NCEH1: variants seen among roughly 807,000 people sequenced by gnomAD.
NCEH1 encodes 2-acetyl MAGE hydrolase.
Under a neutral mutation model 25.4 loss-of-function variants are expected in NCEH1, and 9 were observed. The observed-to-expected ratio is 0.35, with a 90% CI of 0.21 to 0.62. The LOEUF (loss-of-function observed/expected upper bound fraction) is 0.62. Among genes scored for constraint, NCEH1 ranks in the 20% least tolerant of loss-of-function variants. The pLI, the probability that NCEH1 is intolerant of heterozygous loss-of-function variation, is 0.72. For missense variants in NCEH1, 412 were observed against 501.1 expected, an observed-to-expected ratio of 0.82 and a Z score of 1.70; for synonymous variants, 200 against 199.8, an observed-to-expected ratio of 1.00 and a Z score of -0.01.
chr3:172,682,803 A>G (rs1025563858), intron 1 of NCEH1, among the ~76,000 whole-genome samples: 1 of 152,198 alleles, frequency 6.6e-6, no homozygotes, highest in South Asian at 2.1e-4. Flanking sequence ...GGAGACACAG[A>G]ATGCAGCAAA....
rs1712854277 is a variant in NCEH1, at chr3:172,688,779, A to T, written c.138+22068T>A. Reference sequence around the variant, plus strand: ...TGTCCAGTACTGTGCTAAGGGTCACAGGCAATGCTACAAGGTGTTGGCCCT... The same window carrying T: ...TGTCCAGTACTGTGCTAAGGGTCACTGGCAATGCTACAAGGTGTTGGCCCT... On this transcript the variant is annotated intron_variant, in intron 1 of 4. Transcript: ENST00000475381. 3.9e-5 allele frequency among the ~76,000 whole-genome samples: 6 copies of T among 152,278 alleles called. No homozygotes were observed. In the South Asian group the frequency reaches 1.0e-3, roughly 26 times the overall value.
Position 172,693,573 on chromosome 3 carries a change from T to C in NCEH1, c.138+17274A>G, listed in dbSNP as rs540088569. Among the ~76,000 whole-genome samples the C allele has an allele frequency of 5.9e-5, 9 of 152,312 alleles. No individual in the cohort carries two copies. The East Asian group carries it at 1.7e-3, about 29-fold the overall frequency. On this transcript the variant is annotated intron_variant, in intron 1 of 4. Coordinates refer to ENST00000475381, the MANE Select transcript of NCEH1 (RefSeq NM_020792.6). ...TCTTTAAAGCACTTAAATTCTATTA[T>C]TTGCTCTCGAAATATGCTTTGAGAG...
At chr3:172,657,358 G>T (rs1717742992) in intron 1 of NCEH1, among the ~76,000 whole-genome samples, 1 of 152,058 alleles carries the variant, frequency 6.6e-6, no homozygotes, top group African/African-American at 2.4e-5. Context: ...CACCCCTAGA[G>T]CAATTAACGA....
In NCEH1 at chr3:172,633,883, T is replaced by C; in HGVS notation, c.819A>G (p.Ser273=). 6.2e-7 allele frequency: 1 copy of C among 1,614,134 alleles called. No individual in the cohort carries two copies. Among genetic ancestry groups the C allele is most frequent in the Non-Finnish European group, 8.5e-7 (1 of 1,180,034 alleles). Reference sequence around the variant, plus strand: ...CAGCAGCAGCCTCTTCCACATCAAGTGAAGTGTGATTGTTAACGATCATTG... The same window carrying C: ...CAGCAGCAGCCTCTTCCACATCAAGCGAAGTGTGATTGTTAACGATCATTG... ...VQAMIVNNHT[S]LDVEEAAAVR... Residue 273 remains serine, a synonymous_variant, in exon 5 of 5, where the codon TCA becomes TCG. Coordinates refer to ENST00000475381, the MANE Select transcript of NCEH1 (RefSeq NM_020792.6).
intron 1 of NCEH1, among the ~76,000 whole-genome samples, chr3:172,650,989 CTGTT>C (rs10562649): frequency 0.23 from 34,352 of 151,928 alleles, 4,346 homozygotes; most frequent in Non-Finnish European, 0.28. Context: ...AATATCAAGA[CTGTT>C]TGAAAACTTG....
chr3:172,706,816 G>A (rs1714028700), intron 1 of NCEH1, among the ~76,000 whole-genome samples: 4 of 151,812 alleles, frequency 2.6e-5, no homozygotes, highest in East Asian at 1.9e-4. Context: ...TCGTTTAAAT[G>A]GTGCTGCAAA....
chr3:172,665,231 T>C (rs533668369), intron 1 of NCEH1, among the ~76,000 whole-genome samples: 1 of 152,328 alleles, frequency 6.6e-6, no homozygotes, highest in South Asian at 2.1e-4. Context: ...CAGCTGCAGG[T>C]CTGTTGGAGT....
chr3:172,711,035 C>T lies in NCEH1; in HGVS notation c.-51G>A, dbSNP rs774718169. On this transcript the variant is annotated 5_prime_UTR_variant, in exon 1 of 5. Transcript: ENST00000475381. ...GGCTGGCAAAGAGGAAAGGGCGATA[C>T]CACCCGGAGACCTCCGGCAACTTTC... is the stretch of plus-strand genomic sequence containing the variant. The T allele has an allele frequency of 2.5e-6, 4 of 1,612,546 alleles. No individual in the cohort carries two copies. The South Asian group carries it at 3.3e-5, about 13-fold the overall frequency.
chr3:172,643,679 G>C (rs1434311210), intron 3 of NCEH1, among the ~76,000 whole-genome samples: 1 of 152,210 alleles, frequency 6.6e-6, no homozygotes, highest in Non-Finnish European at 1.5e-5. Flanking sequence ...GGGAATGGAG[G>C]AACGGTTTAG....
chr3:172,710,843 T>G lies in NCEH1; in HGVS notation c.138+4A>C, dbSNP rs1438930154. The G allele has an allele frequency of 1.2e-6, 2 of 1,613,852 alleles. No individual in the cohort carries two copies. Among genetic ancestry groups the G allele is most frequent in the Admixed American group, 3.3e-5 (2 of 60,020 alleles). ...GAGAGAAGCAGCGCTGGGCTGCACCTCACCACTTGCTGTGCACCCCGGAAA... is the reference window on the plus strand; with the variant it reads ...GAGAGAAGCAGCGCTGGGCTGCACCGCACCACTTGCTGTGCACCCCGGAAA... On this transcript the variant is annotated splice_donor_region_variant and intron_variant, in intron 1 of 4. Transcript: ENST00000475381.
chr3:172,660,550 C>A (rs1257486792), intron 1 of NCEH1, among the ~76,000 whole-genome samples: 1 of 152,218 alleles, frequency 6.6e-6, no homozygotes, highest in African/African-American at 2.4e-5. Context: ...GGAATTGCCA[C>A]ACTGTCTTCC....
intron 1 of NCEH1, among the ~76,000 whole-genome samples, chr3:172,672,512 C>T (rs1378990296): frequency 6.6e-6 from 1 of 152,046 alleles, no homozygotes; most frequent in Non-Finnish European, 1.5e-5. Context: ...ACTAATAGAA[C>T]ACTCTTCCTT....
At chr3:172,645,839 T>C (rs944916882) in intron 2 of NCEH1, 147 bp from the exon 3 acceptor site, 4 of 495,754 alleles carry the variant, frequency 8.1e-6, no homozygotes, top group Non-Finnish European at 1.1e-5. Context: ...ATAATAGAGT[T>C]ACATGTACAC....
intron 1 of NCEH1, among the ~76,000 whole-genome samples, chr3:172,678,636 C>G (rs1414499735): frequency 2.0e-5 from 3 of 152,130 alleles, no homozygotes; most frequent in African/African-American, 7.2e-5. Flanking sequence ...AAATACTCCA[C>G]CACAAGGAAA....
At chr3:172,686,648 G>T (rs1712712877) in intron 1 of NCEH1, among the ~76,000 whole-genome samples, 1 of 152,192 alleles carries the variant, frequency 6.6e-6, no homozygotes, top group Admixed American at 6.5e-5. Context: ...TCCTGAAGGA[G>T]ATTTGAGGTG....
At position 172,633,025 on chromosome 3, in the gene NCEH1, G is replaced by A. The variant is rs1403180878; in HGVS notation, c.*450C>T. 6.3e-6 allele frequency: 1 copy of A among 158,332 alleles called. No homozygotes were observed. The highest frequency in any genetic ancestry group is 1.4e-5 in the Non-Finnish European group (1 of 71,824). 9.8% of individuals were successfully genotyped at this position (158,332 alleles called of 1,614,324 possible). A position where few individuals can be genotyped will look rare whatever the true frequency, so the allele number is the denominator to read the frequency against. On this transcript the variant is annotated 3_prime_UTR_variant, in exon 5 of 5. Transcript: ENST00000475381. ...TGGTCCCCAGTACTGACCTGAAAGT[G>A]CACGCATTTAATACTGCTCTGAACT...
intron 1 of NCEH1, among the ~76,000 whole-genome samples, chr3:172,648,904 G>T (rs1184719588): frequency 6.6e-6 from 1 of 152,174 alleles, no homozygotes; most frequent in Non-Finnish European, 1.5e-5. Flanking sequence ...AGACACTTCT[G>T]AGTTTATATC....
chr3:172,636,891 C>A (rs894114191), intron 3 of NCEH1, among the ~76,000 whole-genome samples: 6 of 151,982 alleles, frequency 3.9e-5, no homozygotes, highest in African/African-American at 1.5e-4. Flanking sequence ...TTAGAGTTCC[C>A]TCTCACTCTC....
chr3:172,677,805 GTAGTCCCAGCTAC>G (rs1187657737), intron 1 of NCEH1, among the ~76,000 whole-genome samples: 1 of 107,166 alleles, frequency 9.3e-6, no homozygotes, highest in Non-Finnish European at 2.1e-5. Context: ...GTGGGCACCT[GTAGTCCCAGCTAC>G]TTGAGAGGCT....
Sources: allele counts gnomAD v4.1 joint callset (sites outside exome capture counted in the v4.1 genomes callset), GRCh38; gene constraint gnomAD v4.1.1; transcripts MANE v1.5; gene names NCBI Gene and HGNC (gene_info 2026-07-23, HGNC 2026-07-21).